MTUS2: variants seen among roughly 807,000 people sequenced by gnomAD.
MTUS2 encodes the protein microtubule associated scaffold protein 2.
Under a neutral mutation model 114.1 loss-of-function variants are expected in MTUS2, and 40 were observed. That is an observed-to-expected ratio of 0.35 (90% CI 0.27 to 0.46). MTUS2 has a LOEUF of 0.46. Among genes scored for constraint, MTUS2 ranks in the 20% least tolerant of loss-of-function variants. MTUS2 has a pLI of 1.00. For missense variants in MTUS2, 1,679 were observed against 1,705.4 expected (o/e 0.98, Z 0.27); for synonymous variants, 688 against 672.0 (o/e 1.02, Z -0.37).
chr13:29,203,578 A>C (rs906093188), intron 5 of MTUS2, among the ~76,000 whole-genome samples: 1 of 151,576 alleles, frequency 6.6e-6, no homozygotes, highest in African/African-American at 2.4e-5. Context: ...AAAAAAAAAA[A>C]AACTCCTGCA....
intron 8 of MTUS2, among the ~76,000 whole-genome samples, chr13:29,422,921 C>T (rs771619994): frequency 1.3e-5 from 2 of 152,146 alleles, no homozygotes; most frequent in Non-Finnish European, 2.9e-5. Flanking sequence ...TGAGTCACCA[C>T]GCCCAGCCCA....
At chr13:29,319,358 G>A (rs9285065) in intron 6 of MTUS2, among the ~76,000 whole-genome samples, 133,472 of 152,106 alleles carry the variant, frequency 0.88, 59,984 homozygotes, top group East Asian at 1. Context: ...CGGCAGGAAT[G>A]CATTTTCATC....
At chr13:29,413,107 G>A (rs555835493) in intron 8 of MTUS2, among the ~76,000 whole-genome samples, 37 of 152,232 alleles carry the variant, frequency 2.4e-4, no homozygotes, top group Middle Eastern at 3.4e-3. Flanking sequence ...GGTAAATTCA[G>A]CTAATCAGCT....
intron 5 of MTUS2, among the ~76,000 whole-genome samples, chr13:29,186,912 A>G (rs1023618194): frequency 1.3e-5 from 2 of 152,184 alleles, no homozygotes; most frequent in African/African-American, 2.4e-5. Context: ...TTTGCAAAGT[A>G]TGTTAGTCAA....
chr13:29,462,316 G>A (rs1879555338), intron 9 of MTUS2, among the ~76,000 whole-genome samples: 1 of 152,206 alleles, frequency 6.6e-6, no homozygotes, highest in Non-Finnish European at 1.5e-5. Flanking sequence ...TCCAGATGGT[G>A]CAGGACTTGG....
intron 8 of MTUS2, among the ~76,000 whole-genome samples, chr13:29,436,105 A>G (rs896880738): frequency 3.3e-5 from 5 of 152,228 alleles, no homozygotes; most frequent in African/African-American, 9.6e-5. Context: ...TCATTGAGAC[A>G]GAGTAGTCAG....
At chr13:29,487,764 T>G in intron 10 of MTUS2, 136 bp from the exon 11 acceptor site, 1 of 719,522 alleles carries the variant, frequency 1.4e-6, no homozygotes. Context: ...ACCACCAAAG[T>G]CCAGCTCTCC....
intron 8 of MTUS2, among the ~76,000 whole-genome samples, chr13:29,396,312 C>T (rs1326350732): frequency 6.6e-6 from 1 of 152,030 alleles, no homozygotes; most frequent in Non-Finnish European, 1.5e-5. Flanking sequence ...TTTCAGTTTT[C>T]TGGCATTTAA....
chr13:29,433,517 C>T (rs1877166866), intron 8 of MTUS2, among the ~76,000 whole-genome samples: 1 of 152,132 alleles, frequency 6.6e-6, no homozygotes, highest in South Asian at 2.1e-4. Flanking sequence ...TGCTTTAAAG[C>T]TATAATAACT....
chr13:29,102,396 C>A (rs2138827964), intron 5 of MTUS2, among the ~76,000 whole-genome samples: 1 of 152,240 alleles, frequency 6.6e-6, no homozygotes, highest in South Asian at 2.1e-4. Context: ...GCAAGATGAG[C>A]CATGTCCACA....
At chr13:28,993,202 A>G (rs1884939487) in intron 2 of MTUS2, among the ~76,000 whole-genome samples, 1 of 152,274 alleles carries the variant, frequency 6.6e-6, no homozygotes, top group African/African-American at 2.4e-5. Context: ...AAACACAAGT[A>G]TACCAATATC....
chr13:28,861,917 C>T (rs1593253619), intron 2 of MTUS2, among the ~76,000 whole-genome samples: 1 of 152,104 alleles, frequency 6.6e-6, no homozygotes, highest in African/African-American at 2.4e-5. Context: ...ACGCTCCTTC[C>T]CTTCAATTTT....
At chr13:29,179,017 G>C (rs1407904656) in intron 5 of MTUS2, among the ~76,000 whole-genome samples, 2 of 152,200 alleles carry the variant, frequency 1.3e-5, no homozygotes, top group Non-Finnish European at 2.9e-5. Context: ...ACTTTCCACT[G>C]TTCAGTTACA....
At chr13:29,173,708 A>G (rs140773100) in intron 5 of MTUS2, among the ~76,000 whole-genome samples, 3 of 152,248 alleles carry the variant, frequency 2.0e-5, no homozygotes, top group East Asian at 1.9e-4. Flanking sequence ...TTCTGAGAAG[A>G]CTATCAGTGG....
Position 29,480,115 on chromosome 13 carries a change from A to AT in MTUS2, c.3185-29dup, listed in dbSNP as rs756526441. On this transcript the variant is annotated intron_variant, in intron 9 of 15. Coordinates refer to ENST00000612955, the MANE Select transcript of MTUS2 (RefSeq NM_001033602.4). This position sits in a 1 kb window ranked among gnomAD's most constrained non-coding sequence, Gnocchi z 4.4. ...AGTCCTTCCCATGCCTCCTACGGCCATTTTTTAAAGAAAGATCTTGTGCTT... is the reference window on the plus strand; with the variant it reads ...AGTCCTTCCCATGCCTCCTACGGCCATTTTTTTAAAGAAAGATCTTGTGCTT... The AT allele has an allele frequency of 1.9e-6, 3 of 1,549,124 alleles. No homozygotes were observed. Among genetic ancestry groups the AT allele is most frequent in the South Asian group, 1.2e-5 (1 of 83,700 alleles).
At chr13:29,494,028 ATTTGAG>A (rs1224671147) in intron 12 of MTUS2, among the ~76,000 whole-genome samples, 3 of 152,142 alleles carry the variant, frequency 2.0e-5, no homozygotes, top group African/African-American at 7.2e-5. Context: ...GTGGTTAGAG[ATTTGAG>A]TTTTTGTTTA....
intron 8 of MTUS2, among the ~76,000 whole-genome samples, chr13:29,403,521 T>C (rs899124524): frequency 2.0e-5 from 3 of 152,146 alleles, no homozygotes; most frequent in Admixed American, 2.0e-4. Context: ...GAACATAGGA[T>C]TTGGTGGACT....
intron 4 of MTUS2, among the ~76,000 whole-genome samples, chr13:29,063,296 AT>A (rs989513516): frequency 8.6e-4 from 131 of 152,346 alleles, no homozygotes; most frequent in African/African-American, 3.0e-3. Context: ...TAATTTGTGC[AT>A]ATGGTAAATG....
Position 29,024,965 on chromosome 13 carries a change from G to T in MTUS2, c.267G>T (p.Gln89His), listed in dbSNP as rs746416218. 6.2e-7 allele frequency: 1 copy of T among 1,613,248 alleles called. No homozygotes were observed. The highest frequency in any genetic ancestry group is 8.5e-7 in the Non-Finnish European group (1 of 1,179,696). Residue 89 changes from glutamine to histidine, a missense_variant, in exon 3 of 16, where the codon CAG (glutamine) becomes CAT (histidine). This residue lies in a region of MTUS2 where 843 missense variants were observed against 770.8 expected (regional missense o/e 1.09). Transcript: ENST00000612955. The part of the protein sequence containing the change: ...HQLQGFGKGS[Q>H]AGSASLKDFR... ...TTCAGGGCTTTGGGAAAGGCTCTCA[G>T]GCTGGCTCTGCCAGCCTGAAAGATT...
Sources: gnomAD v4.1 joint callset for allele counts (sites outside exome capture counted in the v4.1 genomes callset) on GRCh38, gnomAD v4.1.1 for gene constraint, gnomAD v4.1.1 regional missense constraint, Gnocchi (gnomAD v3.1) non-coding constraint, MANE v1.5 for transcripts, NCBI Gene and HGNC (gene_info 2026-07-23, HGNC 2026-07-21) for gene names.